ADIG: variants seen among roughly 807,000 people sequenced by gnomAD.
ADIG encodes the protein adipogenin, also known as adipogenesis associated.
ADIG carries 12 observed loss-of-function variants against 10.7 expected under a neutral mutation model. The ratio of observed to expected loss-of-function variants is 1.12; its 90% CI spans 0.72 to 1.82. The LOEUF (loss-of-function observed/expected upper bound fraction) is 1.82, where lower values mean the gene tolerates loss of function less well. Among genes scored for constraint, ADIG ranks in the 40% most tolerant of loss-of-function variants. The probability of loss-of-function intolerance (pLI) is 0.00; values close to 1 mark genes in which losing one functional copy is unlikely to be tolerated. For missense variants in ADIG, 72 were observed against 92.5 expected, an observed-to-expected ratio of 0.78 and a Z score of 0.91; for synonymous variants, 32 against 35.6, an observed-to-expected ratio of 0.90 and a Z score of 0.36.
chr20:38,585,636 C>A, intron 1 of ADIG: 1 of 1,103,732 alleles, frequency 9.1e-7, no homozygotes, highest in Non-Finnish European at 1.3e-6. Flanking sequence ...CAAAACAGGG[C>A]TACAGTGGAG....
chr20:38,586,007 G>T (rs1264530841), intron 1 of ADIG, 22 bp from the exon 2 acceptor site: 1 of 1,579,230 alleles, frequency 6.3e-7, no homozygotes, highest in East Asian at 2.3e-5. Flanking sequence ...CATCCAAGAG[G>T]CCTTGCCTCG....
rs541887446 is a variant in ADIG at position 38,586,195 on chromosome 20, A to G, written c.*14+34A>G. 1,205 of 1,528,744 alleles carry G rather than the reference A, an allele frequency of 7.9e-4. 19 individuals carry two copies. In the South Asian group the frequency reaches 0.013, roughly 17 times the overall value. The allele number at this position is 1,528,744 out of a possible 1,614,324, so 94.7% of individuals were successfully genotyped here. A position where few individuals can be genotyped will look rare whatever the true frequency, so the allele number is the denominator to read the frequency against. On this transcript the variant is annotated intron_variant, in intron 2 of 2. Transcript: ENST00000537425. ...CTTCCAGGGGCCAGGGGGAGCCTCA[A>G]GGCCCACCCAAAGCCTTGGGCAGCT...
chr20:38,586,177 G>A lies in ADIG; in HGVS notation c.*14+16G>A, dbSNP rs1410978695. On this transcript the variant is annotated intron_variant, in intron 2 of 2. Coordinates refer to ENST00000537425, the MANE Select transcript of ADIG (RefSeq NM_001393816.1). ...GCTGTGCCAGGTGAGGCCCTTCCAG[G>A]GGCCAGGGGGAGCCTCAAGGCCCAC... The A allele has an allele frequency of 6.4e-7, 1 of 1,559,062 alleles. No individual in the cohort carries two copies. Among genetic ancestry groups the A allele is most frequent in the South Asian group, 1.2e-5 (1 of 84,668 alleles).
chr20:38,586,054 G>A lies in ADIG; in HGVS notation c.150G>A (p.Val50=), dbSNP rs73905648. The A allele has an allele frequency of 3.8e-3, 6,073 of 1,610,142 alleles. 201 individuals carry two copies. In the African/African-American group the frequency reaches 0.07, roughly 19 times the overall value. The change falls in exon 2 of 3, where the codon GTG becomes GTA. Residue 50 remains valine (V), a synonymous_variant. Transcript: ENST00000537425. ...ATTCAGAGGAAAATGACTCCAGTGT[G>A]TGCTTGGATTGGGAGCCCTGGAGCA... ...SQDSEENDSS[V]CLDWEPWSKG...
At position 38,586,179 on chromosome 20, in the gene ADIG, G is replaced by A. The variant is rs1334110480; in HGVS notation, c.*14+18G>A. 5 of 1,554,814 alleles carry A rather than the reference G, an allele frequency of 3.2e-6. No homozygotes were observed. Among genetic ancestry groups the A allele is most frequent in the South Asian group, 2.4e-5 (2 of 84,508 alleles). On this transcript the variant is annotated intron_variant, in intron 2 of 2. Coordinates refer to ENST00000537425, the MANE Select transcript of ADIG (RefSeq NM_001393816.1). ...TGTGCCAGGTGAGGCCCTTCCAGGGGCCAGGGGGAGCCTCAAGGCCCACCC... is the reference window on the plus strand; with the variant it reads ...TGTGCCAGGTGAGGCCCTTCCAGGGACCAGGGGGAGCCTCAAGGCCCACCC...
chr20:38,582,932 C>T (rs1327660660), intron 1 of ADIG, among the ~76,000 whole-genome samples: 2 of 152,194 alleles, frequency 1.3e-5, no homozygotes, highest in Non-Finnish European at 2.9e-5. Flanking sequence ...ATTCTCCTGC[C>T]TCAGCCTCCC....
At chr20:38,585,813 C>A in intron 1 of ADIG, 1 of 612,784 alleles carries the variant, frequency 1.6e-6, no homozygotes, top group Non-Finnish European at 2.9e-6. Context: ...GGCCATTTTC[C>A]AAGTCACAGG....
At position 38,581,393 on chromosome 20, in the gene ADIG, C is replaced by A. The variant is rs146845495; in HGVS notation, c.124+19C>A. ...AGCCAAGGTGAGCTTCTTACCCCGT[C>A]CAGGCAGGACCCTAATCCTGGAGCT... On this transcript the variant is annotated intron_variant, in intron 1 of 2. Transcript: ENST00000537425. 1 of 1,613,728 alleles carries A rather than the reference C, an allele frequency of 6.2e-7. No homozygotes were observed. The highest frequency in any genetic ancestry group is 8.5e-7 in the Non-Finnish European group (1 of 1,179,736).
chr20:38,588,377 T>C lies in ADIG; in HGVS notation c.*291T>C, dbSNP rs1247241002. The C allele has an allele frequency of 1.6e-6, 2 of 1,286,970 alleles. No homozygotes were observed. The highest frequency in any genetic ancestry group is 2.6e-5 in the South Asian group (2 of 78,066). The allele number at this position is 1,286,970 out of a possible 1,614,324, so 79.7% of individuals were successfully genotyped here. ...AATTGGCCAATTTAATTCAGAGGGG[T>C]CTTAAAGCAGGGCTGGGCCGGAGGG... On this transcript the variant is annotated 3_prime_UTR_variant, in exon 3 of 3. Transcript: ENST00000537425.
intron 1 of ADIG, among the ~76,000 whole-genome samples, chr20:38,581,784 G>A (rs187999523): frequency 6.6e-5 from 10 of 152,328 alleles, no homozygotes; most frequent in East Asian, 1.9e-4. Context: ...TTTCAGCCCC[G>A]CTCACCCTCT....
chr20:38,581,568 G>T (rs1235342640), intron 1 of ADIG, among the ~76,000 whole-genome samples, 194 bp downstream of exon 1: 2 of 151,818 alleles, frequency 1.3e-5, no homozygotes, highest in Non-Finnish European at 2.9e-5. Flanking sequence ...CCTAGAGTTC[G>T]AGAGTGAGTC....
intron 1 of ADIG, among the ~76,000 whole-genome samples, chr20:38,584,866 C>T (rs986344091): frequency 6.6e-6 from 1 of 152,090 alleles, no homozygotes; most frequent in African/African-American, 2.4e-5. Context: ...CAACCTCCGA[C>T]TCCCTGGTTC....
chr20:38,585,529 T>C (rs1437486166), intron 1 of ADIG: 1 of 1,550,412 alleles, frequency 6.4e-7, no homozygotes. Context: ...CCATGTGGTG[T>C]GACTCTCCCA....
At chr20:38,585,148 A>C (rs983800920) in intron 1 of ADIG, among the ~76,000 whole-genome samples, 1 of 152,226 alleles carries the variant, frequency 6.6e-6, no homozygotes, top group Admixed American at 6.5e-5. Flanking sequence ...TGAGTTTTAC[A>C]TGTCTGCCTT....
intron 2 of ADIG, among the ~76,000 whole-genome samples, chr20:38,586,688 G>A (rs1200990900): frequency 1.3e-5 from 2 of 152,072 alleles, no homozygotes; most frequent in Admixed American, 1.3e-4. Context: ...CATGCTAGAG[G>A]CTCAATACAT....
In ADIG at chr20:38,584,323, G is replaced by C. The variant is rs79255189; in HGVS notation, c.125-1706G>C. 7.1e-3 allele frequency among the ~76,000 whole-genome samples: 1,084 copies of C among 152,338 alleles called. 44 individuals carry two copies. The East Asian group carries it at 0.11, about 16-fold the overall frequency. ...TGTCTGGCCATGACATGGCCATAAGGTGGAGGAAGCCACACACACCCTTCA... is the reference window on the plus strand; with the variant it reads ...TGTCTGGCCATGACATGGCCATAAGCTGGAGGAAGCCACACACACCCTTCA... On this transcript the variant is annotated intron_variant, in intron 1 of 2. Transcript: ENST00000537425.
intron 1 of ADIG, among the ~76,000 whole-genome samples, chr20:38,584,341 A>G (rs1158192948): frequency 6.6e-6 from 1 of 152,032 alleles, no homozygotes; most frequent in African/African-American, 2.4e-5. Context: ...AGCCACACAC[A>G]CCCTTCAAGG....
intron 1 of ADIG, among the ~76,000 whole-genome samples, chr20:38,584,506 A>C (rs1483114756): frequency 6.6e-6 from 1 of 152,248 alleles, no homozygotes; most frequent in African/African-American, 2.4e-5. Context: ...TGTTCAATTC[A>C]AAGCTGCCTT....
At chr20:38,584,160 G>A (rs527897114) in intron 1 of ADIG, among the ~76,000 whole-genome samples, 7 of 146,506 alleles carry the variant, frequency 4.8e-5, no homozygotes, top group East Asian at 2.3e-4. Flanking sequence ...TGGAATACCC[G>A]ACAGGATGCA....
Sources: gnomAD v4.1 joint callset for allele counts (sites outside exome capture counted in the v4.1 genomes callset) on GRCh38, gnomAD v4.1.1 for gene constraint, MANE v1.5 for transcripts, NCBI Gene and HGNC (gene_info 2026-07-23, HGNC 2026-07-21) for gene names.